Variants in CCNY observed in about 807,000 individuals in gnomAD.
The protein encoded by CCNY is cyclin Y, also known as cyclin-Y.
CCNY carries 19 observed loss-of-function variants against 42.8 expected under a neutral mutation model. That is an observed-to-expected ratio of 0.44 (90% confidence interval 0.31 to 0.65). The LOEUF (loss-of-function observed/expected upper bound fraction) is 0.65. Among genes scored for constraint, CCNY ranks in the 30% least tolerant of loss-of-function variants. CCNY has a pLI of 0.07. For synonymous variants in CCNY, 165 were observed against 162.7 expected (o/e 1.01, Z -0.11); for missense variants, 370 against 437.3 (o/e 0.85, Z 1.37).
At chr10:35,531,425 T>G (rs773433942) in intron 7 of CCNY, among the ~76,000 whole-genome samples, 14 of 152,234 alleles carry the variant, frequency 9.2e-5, no homozygotes, top group Non-Finnish European at 2.1e-4. Flanking sequence ...TTCCTTCTCA[T>G]TGAACTCACA....
chr10:35,349,693 AG>A (rs974546521), intron 1 of CCNY, among the ~76,000 whole-genome samples: 1 of 152,142 alleles, frequency 6.6e-6, no homozygotes, highest in East Asian at 1.9e-4. Flanking sequence ...TGTTGACATT[AG>A]GGGGGGCTGC....
rs116028377 is a variant in CCNY at position 35,501,408 on chromosome 10, C to T, written c.230-93C>T. 1,843 of 1,022,052 alleles carry T rather than the reference C, an allele frequency of 1.8e-3. 15 individuals carry two copies. In the African/African-American group the frequency reaches 0.024, roughly 14 times the overall value. 63.3% of individuals were successfully genotyped at this position (1,022,052 alleles called of 1,614,324 possible). On this transcript the variant is annotated intron_variant, in intron 2 of 9. Coordinates refer to ENST00000374704, the MANE Select transcript of CCNY (RefSeq NM_145012.6). ...GTGGGTATGTTGGTTGGTGGAAGGA[C>T]GGGACCACGACACAGAGGCCCAGTC... is the stretch of plus-strand genomic sequence containing the variant.
chr10:35,293,571 A>T (rs1332064136), intron 3 of CCNY, among the ~76,000 whole-genome samples: 1 of 152,152 alleles, frequency 6.6e-6, no homozygotes, highest in African/African-American at 2.4e-5. Flanking sequence ...CATCTAAACA[A>T]TATTAAACCT....
At chr10:35,501,416 C>A in intron 2 of CCNY, 85 bp from the exon 3 acceptor site, 1 of 1,163,280 alleles carries the variant, frequency 8.6e-7, no homozygotes. Flanking sequence ...GACGGGACCA[C>A]GACACAGAGG....
At chr10:35,493,242 T>C in intron 2 of CCNY, among the ~76,000 whole-genome samples, 1 of 152,154 alleles carries the variant, frequency 6.6e-6, no homozygotes, top group Non-Finnish European at 1.5e-5. Context: ...CTGTTCCCAG[T>C]CAGAACATTG....
At chr10:35,458,111 G>T (rs1839078086) in intron 1 of CCNY, among the ~76,000 whole-genome samples, 1 of 152,208 alleles carries the variant, frequency 6.6e-6, no homozygotes, top group Admixed American at 6.5e-5. Flanking sequence ...GGAAAAAGTG[G>T]TGTTTTGTGT....
chr10:35,313,801 C>T (rs1004556519), intron 3 of CCNY, among the ~76,000 whole-genome samples: 1 of 151,600 alleles, frequency 6.6e-6, no homozygotes, highest in Non-Finnish European at 1.5e-5. Context: ...GTTGAAACAC[C>T]GTCTCTACCA....
intron 3 of CCNY, among the ~76,000 whole-genome samples, chr10:35,271,948 C>A (rs1237108617): frequency 6.6e-6 from 1 of 152,208 alleles, no homozygotes; most frequent in Non-Finnish European, 1.5e-5. Flanking sequence ...GAGAAAAATG[C>A]AAACCCATGA....
intron 1 of CCNY, among the ~76,000 whole-genome samples, chr10:35,361,915 T>C (rs966960501): frequency 1.4e-4 from 21 of 152,320 alleles, no homozygotes; most frequent in African/African-American, 4.6e-4. Flanking sequence ...ATCTGAAACC[T>C]TTTGAATGCC....
chr10:35,416,844 A>G (rs1162985259), intron 1 of CCNY, among the ~76,000 whole-genome samples: 1 of 152,196 alleles, frequency 6.6e-6, no homozygotes, highest in East Asian at 1.9e-4. Flanking sequence ...TCAACTCTTC[A>G]GACAGGTGGC....
rs553433455 is a variant in CCNY at position 35,514,739 on chromosome 10, GTCCTTT to G, written c.265-1778_265-1773del. Reference sequence around the variant, plus strand: ...CAAGAAACACAAATGAAATATTATTGTCCTTTTCCTTCATTGTTGGGATTTCTAAAG... The same window carrying G: ...CAAGAAACACAAATGAAATATTATTGTCCTTCATTGTTGGGATTTCTAAAG... On this transcript the variant is annotated intron_variant, in intron 3 of 9. Coordinates refer to ENST00000374704, the MANE Select transcript of CCNY (RefSeq NM_145012.6). Among the ~76,000 whole-genome samples the G allele has an allele frequency of 2.4e-4, 36 of 152,284 alleles. No homozygotes were observed. The East Asian group carries it at 5.8e-3, about 24-fold the overall frequency.
rs1841683710 is a variant in CCNY at position 35,571,403 on chromosome 10, TC to T, written c.*2234del. 6.6e-6 allele frequency: 1 copy of T among 152,504 alleles called. No homozygotes were observed. The highest frequency in any genetic ancestry group is 2.4e-5 in the African/African-American group (1 of 41,586). The allele number at this position is 152,504 out of a possible 1,614,324, so 9.4% of individuals were successfully genotyped here. A position where few individuals can be genotyped will look rare whatever the true frequency, so the allele number is the denominator to read the frequency against. On this transcript the variant is annotated 3_prime_UTR_variant, in exon 10 of 10. Transcript: ENST00000374704. ...TAAAGTGGATTCCATAAAACCAGAC[TC>T]AAGTCTTGTTTAGACTACTGAATAC...
At chr10:35,517,539 C>G (rs969651627) in intron 4 of CCNY, among the ~76,000 whole-genome samples, 3 of 152,226 alleles carry the variant, frequency 2.0e-5, no homozygotes. Context: ...AAGCCCTGTT[C>G]TGAGTATGAC....
At chr10:35,398,341 G>T (rs530786159) in intron 1 of CCNY, among the ~76,000 whole-genome samples, 1 of 152,374 alleles carries the variant, frequency 6.6e-6, no homozygotes, top group South Asian at 2.1e-4. Flanking sequence ...TGGTGGACAT[G>T]ATATAGATAC....
chr10:35,363,470 C>T (rs1361924724), intron 1 of CCNY, among the ~76,000 whole-genome samples: 1 of 151,966 alleles, frequency 6.6e-6, no homozygotes, highest in Non-Finnish European at 1.5e-5. Context: ...GACGGTGGGG[C>T]GGCCTGGTAG....
chr10:35,411,596 T>C (rs1014842960), intron 1 of CCNY, among the ~76,000 whole-genome samples: 1 of 142,284 alleles, frequency 7.0e-6, no homozygotes, highest in Non-Finnish European at 1.5e-5. Flanking sequence ...TACAATACAA[T>C]ACCTTCTGGG....
At chr10:35,364,861 G>A (rs558443078) in intron 1 of CCNY, among the ~76,000 whole-genome samples, 56 of 152,258 alleles carry the variant, frequency 3.7e-4, no homozygotes, top group African/African-American at 1.3e-3. Context: ...TTGGGAAATG[G>A]TTCTAAGTGA....
chr10:35,449,756 G>C, intron 1 of CCNY: 2 of 985,350 alleles, frequency 2.0e-6, no homozygotes, highest in South Asian at 9.4e-5. Flanking sequence ...GAGCACAATG[G>C]AGGCAAGAAG....
chr10:35,272,513 A>T (rs1210560284), intron 3 of CCNY, among the ~76,000 whole-genome samples: 5 of 152,172 alleles, frequency 3.3e-5, no homozygotes, highest in Non-Finnish European at 7.3e-5. Context: ...AAGTGAGAAC[A>T]TGTGATGTTT....
Sources: gnomAD v4.1 joint callset for allele counts (sites outside exome capture counted in the v4.1 genomes callset) on GRCh38, gnomAD v4.1.1 for gene constraint, MANE v1.5 for transcripts, NCBI Gene and HGNC (gene_info 2026-07-23, HGNC 2026-07-21) for gene names.